Variants in MAML2 observed in about 807,000 individuals in gnomAD.
MAML2 encodes the protein mastermind-like protein 2.
MAML2 carries 22 observed loss-of-function variants against 96.1 expected under a neutral mutation model. The observed-to-expected ratio is 0.23, with a 90% CI of 0.16 to 0.33. The LOEUF (loss-of-function observed/expected upper bound fraction) is 0.33, where lower values mean the gene tolerates loss of function less well. Among genes scored for constraint, MAML2 ranks in the 10% least tolerant of loss-of-function variants. The pLI, the probability that MAML2 is intolerant of heterozygous loss-of-function variation, is 1.00. For missense variants in MAML2, 1,367 were observed against 1,392.4 expected, an observed-to-expected ratio of 0.98 and a Z score of 0.29; for synonymous variants, 561 against 521.3, an observed-to-expected ratio of 1.08 and a Z score of -1.04.
chr11:96,229,053 A>C (rs959031083), intron 1 of MAML2, among the ~76,000 whole-genome samples: 13 of 152,210 alleles, frequency 8.5e-5, no homozygotes, highest in Non-Finnish European at 1.8e-4. Context: ...AGCTTTTAGG[A>C]AGTTCAGGGT....
rs184272699 is a variant in MAML2 at position 96,265,240 on chromosome 11, G to A, written c.513+76143C>T. ...GGACAGAAAAGTGGCTGGCTTTAGC[G>A]CGGGGAGGACGAGGGGAGAGTTGGC... On this transcript the variant is annotated intron_variant, in intron 1 of 4. Coordinates refer to ENST00000524717, the MANE Select transcript of MAML2 (RefSeq NM_032427.4). Among the ~76,000 whole-genome samples, 445 of 152,298 alleles carry A rather than the reference G, an allele frequency of 2.9e-3. 4 individuals carry two copies. Among genetic ancestry groups the A allele is most frequent in the African/African-American group, 0.01 (430 of 41,568 alleles).
chr11:96,046,815 A>G (rs1286062301), intron 2 of MAML2, among the ~76,000 whole-genome samples: 3 of 152,202 alleles, frequency 2.0e-5, no homozygotes, highest in African/African-American at 7.2e-5. Flanking sequence ...GAATCTAGGT[A>G]TCACCTCCAA....
At chr11:96,240,994 T>C (rs959461191) in intron 1 of MAML2, among the ~76,000 whole-genome samples, 7 of 152,236 alleles carry the variant, frequency 4.6e-5, no homozygotes, top group Non-Finnish European at 1.0e-4. Context: ...GAAACACTAC[T>C]AGACTAATAG....
chr11:96,159,718 C>T (rs1036622252), intron 1 of MAML2, among the ~76,000 whole-genome samples: 1 of 152,102 alleles, frequency 6.6e-6, no homozygotes, highest in Non-Finnish European at 1.5e-5. Context: ...GCGACCGCGC[C>T]CGGCCTAAAC....
At chr11:96,173,585 T>C (rs1367990183) in intron 1 of MAML2, among the ~76,000 whole-genome samples, 1 of 151,970 alleles carries the variant, frequency 6.6e-6, no homozygotes, top group African/African-American at 2.4e-5. Context: ...GGAAGAAGTA[T>C]GAAAGGGGCA....
chr11:96,034,639 A>G (rs946153570), intron 2 of MAML2, among the ~76,000 whole-genome samples: 1 of 152,228 alleles, frequency 6.6e-6, no homozygotes, highest in African/African-American at 2.4e-5. Context: ...AATTCTGCCC[A>G]GAATACCAAA....
chr11:96,066,362 T>C (rs573107066), intron 2 of MAML2, among the ~76,000 whole-genome samples: 7 of 152,282 alleles, frequency 4.6e-5, no homozygotes, highest in African/African-American at 1.7e-4. Flanking sequence ...GGACAGAAGC[T>C]CCTGAAGCGG....
At chr11:96,138,691 T>C (rs1013950088) in intron 1 of MAML2, among the ~76,000 whole-genome samples, 2 of 152,028 alleles carry the variant, frequency 1.3e-5, no homozygotes, top group African/African-American at 4.8e-5. Flanking sequence ...CATCCTCACT[T>C]GGAAATGCCT....
At chr11:96,160,267 T>C (rs1861082961) in intron 1 of MAML2, among the ~76,000 whole-genome samples, 1 of 152,206 alleles carries the variant, frequency 6.6e-6, no homozygotes, top group South Asian at 2.1e-4. Flanking sequence ...TCAGGTTGCC[T>C]CCTATTTCGT....
At chr11:96,013,723 G>A (rs1457114842) in intron 2 of MAML2, among the ~76,000 whole-genome samples, 2 of 152,322 alleles carry the variant, frequency 1.3e-5, no homozygotes, top group East Asian at 3.9e-4. Flanking sequence ...GGCGGGACGA[G>A]GTGGGGCTGT....
At chr11:96,078,891 A>G (rs937169906) in intron 2 of MAML2, among the ~76,000 whole-genome samples, 1 of 152,256 alleles carries the variant, frequency 6.6e-6, no homozygotes, top group Admixed American at 6.5e-5. Context: ...TGTTTCCAAC[A>G]AGGATATCAA....
chr11:96,220,271 A>G (rs1208373023), intron 1 of MAML2, among the ~76,000 whole-genome samples: 2 of 151,946 alleles, frequency 1.3e-5, no homozygotes, highest in Non-Finnish European at 2.9e-5. Context: ...TCATTCTCTT[A>G]TTTCTCTTTC....
intron 1 of MAML2, among the ~76,000 whole-genome samples, chr11:96,167,443 C>T (rs1374452686): frequency 3.9e-5 from 6 of 152,190 alleles, no homozygotes; most frequent in Non-Finnish European, 7.3e-5. Flanking sequence ...CTGATAATGT[C>T]ACTCCCCTGC....
chr11:95,993,560 G>A (rs1857948293), intron 2 of MAML2, among the ~76,000 whole-genome samples: 1 of 152,138 alleles, frequency 6.6e-6, no homozygotes, highest in East Asian at 1.9e-4. Flanking sequence ...GACAGAGCAA[G>A]ACTCTGTCTC....
rs1370729106 is a variant in MAML2 at position 96,309,698 on chromosome 11, T to TTTA, written c.513+31684_513+31685insTAA. On this transcript the variant is annotated intron_variant, in intron 1 of 4. Coordinates refer to ENST00000524717, the MANE Select transcript of MAML2 (RefSeq NM_032427.4). ...ATATTCCACCTCCCAAAGGAACAAT[T>TTTA]TTTTTTTTTTTTTTTCTGAGACAGG... Among the ~76,000 whole-genome samples the TTTA allele has an allele frequency of 1.4e-4, 19 of 137,074 alleles. No homozygotes were observed. In the South Asian group the frequency reaches 4.1e-3, roughly 29 times the overall value. 89.9% of individuals were successfully genotyped at this position (137,074 alleles called of 152,430 possible). A position where few individuals can be genotyped will look rare whatever the true frequency, so the allele number is the denominator to read the frequency against.
intron 1 of MAML2, among the ~76,000 whole-genome samples, chr11:96,196,933 A>T (rs1861741948): frequency 6.9e-6 from 1 of 144,150 alleles, no homozygotes; most frequent in Non-Finnish European, 1.5e-5. Flanking sequence ...AATTTAAATC[A>T]CGTGTTATTA....
chr11:96,158,917 C>G (rs1861053497), intron 1 of MAML2, among the ~76,000 whole-genome samples: 1 of 152,110 alleles, frequency 6.6e-6, no homozygotes, highest in Admixed American at 6.5e-5. Flanking sequence ...GTGTGAAAAT[C>G]CCAAAAGGTG....
chr11:96,116,400 A>G (rs964610022), intron 1 of MAML2, among the ~76,000 whole-genome samples: 2 of 152,200 alleles, frequency 1.3e-5, no homozygotes, highest in South Asian at 2.1e-4. Flanking sequence ...GGGCCATATT[A>G]TAACACTGAA....
chr11:96,099,023 T>C (rs1859879229), intron 1 of MAML2, among the ~76,000 whole-genome samples: 1 of 152,166 alleles, frequency 6.6e-6, no homozygotes. Flanking sequence ...AAACAGGGAA[T>C]GTGCCACACA....
Sources: gnomAD v4.1 joint callset for allele counts (sites outside exome capture counted in the v4.1 genomes callset) on GRCh38, gnomAD v4.1.1 for gene constraint, MANE v1.5 for transcripts, NCBI Gene and HGNC (gene_info 2026-07-23, HGNC 2026-07-21) for gene names.